The following SLC9C1 variants were observed in gnomAD, a reference collection of about 807,000 sequenced individuals.
The protein encoded by SLC9C1 is solute carrier family 9 member C1, also known as sodium/hydrogen exchanger 10.
Under a neutral mutation model 140.9 loss-of-function variants are expected in SLC9C1, and 97 were observed. The observed-to-expected ratio is 0.69, with a 90% CI of 0.58 to 0.82. The LOEUF (loss-of-function observed/expected upper bound fraction) is 0.82, where lower values mean the gene tolerates loss of function less well. SLC9C1 is among the 40% of genes least tolerant of loss of function. The pLI, the probability that SLC9C1 is intolerant of heterozygous loss-of-function variation, is 0.00. For missense variants in SLC9C1, 1,340 were observed against 1,389.3 expected (o/e 0.96, Z 0.56); for synonymous variants, 440 against 442.6 (o/e 0.99, Z 0.07).
intron 4 of SLC9C1, 46 bp from the exon 5 acceptor site, chr3:112,277,906 T>G: frequency 6.8e-7 from 1 of 1,465,430 alleles, no homozygotes; most frequent in Non-Finnish European, 9.3e-7. Flanking sequence ...GCTTTTGTAG[T>G]CCATTTTAAG....
At chr3:112,277,635 A>G in intron 5 of SLC9C1, 60 bp downstream of exon 5, 1 of 1,350,370 alleles carries the variant, frequency 7.4e-7, no homozygotes, top group South Asian at 1.9e-5. Flanking sequence ...AGATCTTAAA[A>G]TACAAGTTCA....
In SLC9C1 at chr3:112,253,260, C is replaced by T. The variant is rs138560940; in HGVS notation, c.1198-9184G>A. 6.6e-5 allele frequency among the ~76,000 whole-genome samples: 10 copies of T among 152,242 alleles called. No individual in the cohort carries two copies. The South Asian group carries it at 1.5e-3, about 22-fold the overall frequency. On this transcript the variant is annotated intron_variant, in intron 10 of 28. Transcript: ENST00000305815. Reference sequence around the variant, plus strand: ...CTGCTAAGGTCATTTCCACTGTTGCCGCCAAGTTGGGGAAGGCAACAGTGA... The same window carrying T: ...CTGCTAAGGTCATTTCCACTGTTGCTGCCAAGTTGGGGAAGGCAACAGTGA...
chr3:112,155,426 G>A (rs1047639104), intron 26 of SLC9C1, among the ~76,000 whole-genome samples: 1 of 152,144 alleles, frequency 6.6e-6, no homozygotes, highest in African/African-American at 2.4e-5. Context: ...TAGTAAAACA[G>A]ACAGACTAGC....
chr3:112,150,404 G>T lies in SLC9C1; in HGVS notation c.3524+1453C>A, dbSNP rs540536433. Among the ~76,000 whole-genome samples, 23 of 152,180 alleles carry T rather than the reference G, an allele frequency of 1.5e-4. No individual in the cohort carries two copies. The East Asian group carries it at 4.3e-3, about 28-fold the overall frequency. On this transcript the variant is annotated intron_variant, in intron 28 of 28. Transcript: ENST00000305815. ...CCAGTAGAAAGATGAGTCACAAAGG[G>T]AAGCTCTCTACTTCTCTCATATACT...
At chr3:112,151,647 A>G (rs922108802) in intron 28 of SLC9C1, among the ~76,000 whole-genome samples, 1 of 152,248 alleles carries the variant, frequency 6.6e-6, no homozygotes, top group African/African-American at 2.4e-5. Context: ...GAATATTATG[A>G]AGTTTTCAGA....
chr3:112,156,073 A>C (rs1277260853), intron 26 of SLC9C1, among the ~76,000 whole-genome samples: 2 of 152,042 alleles, frequency 1.3e-5, no homozygotes, highest in African/African-American at 4.8e-5. Context: ...AACTATGATT[A>C]CCGTACTATT....
intron 6 of SLC9C1, 24 bp from the exon 7 acceptor site, chr3:112,270,101 G>A: frequency 1.0e-5 from 15 of 1,468,766 alleles, no homozygotes; most frequent in African/African-American, 1.4e-5. Flanking sequence ...GCGTAAATAA[G>A]AAATAGTTAA....
intron 26 of SLC9C1, among the ~76,000 whole-genome samples, chr3:112,164,129 A>T (rs1288287754): frequency 6.6e-6 from 1 of 151,466 alleles, no homozygotes; most frequent in African/African-American, 2.4e-5. Flanking sequence ...TGCTTGGTAG[A>T]TTTTCCTCCA....
chr3:112,270,175 A>C, intron 6 of SLC9C1, 98 bp from the exon 7 acceptor site: 1 of 1,237,808 alleles, frequency 8.1e-7, no homozygotes. Flanking sequence ...ATTATCTTTA[A>C]AATTAGCTAA....
chr3:112,157,117 T>C (rs1013923535), intron 26 of SLC9C1, among the ~76,000 whole-genome samples: 1 of 152,024 alleles, frequency 6.6e-6, no homozygotes, highest in African/African-American at 2.4e-5. Flanking sequence ...TATAGCATTT[T>C]CCCAACTTTT....
intron 26 of SLC9C1, among the ~76,000 whole-genome samples, chr3:112,156,671 G>A (rs1208464680): frequency 4.6e-5 from 7 of 151,584 alleles, no homozygotes. Context: ...CCCTTTCTTG[G>A]TGTATTTGCC....
chr3:112,227,123 C>T (rs568737084), intron 13 of SLC9C1, among the ~76,000 whole-genome samples: 6 of 151,998 alleles, frequency 3.9e-5, no homozygotes, highest in African/African-American at 1.4e-4. Flanking sequence ...GAGATTGAGC[C>T]AGGAAGACAT....
chr3:112,228,461 C>T (rs1024145485), intron 13 of SLC9C1, among the ~76,000 whole-genome samples: 1 of 152,020 alleles, frequency 6.6e-6, no homozygotes, highest in African/African-American at 2.4e-5. Context: ...CACTTCAAGT[C>T]ATTGGACTGG....
chr3:112,163,582 T>G (rs1344914539), intron 26 of SLC9C1, among the ~76,000 whole-genome samples: 1 of 152,162 alleles, frequency 6.6e-6, no homozygotes, highest in Non-Finnish European at 1.5e-5. Context: ...TTGAGCGGTT[T>G]TGAGTGAGAT....
At chr3:112,231,300 G>C (rs1305044154) in intron 13 of SLC9C1, 61 bp downstream of exon 13, 8 of 1,589,906 alleles carry the variant, frequency 5.0e-6, no homozygotes, top group Non-Finnish European at 6.0e-6. Context: ...TCTTTATAAA[G>C]GAGGAATTTT....
intron 21 of SLC9C1, 77 bp from the exon 22 acceptor site, chr3:112,180,739 G>A (rs1269720435): frequency 7.9e-7 from 1 of 1,262,918 alleles, no homozygotes; most frequent in Non-Finnish European, 1.1e-6. Context: ...TTGCATTTTT[G>A]TTATTTATTT....
chr3:112,259,690 GGTGA>G (rs1461124465), intron 10 of SLC9C1, among the ~76,000 whole-genome samples: 14 of 152,140 alleles, frequency 9.2e-5, no homozygotes, highest in African/African-American at 3.4e-4. Flanking sequence ...TTATTTCCTG[GGTGA>G]AATGATCTGT....
chr3:112,228,905 C>T lies in SLC9C1; in HGVS notation c.1572+2456G>A, dbSNP rs373048493. On this transcript the variant is annotated intron_variant, in intron 13 of 28. Transcript: ENST00000305815. ...TTATTGCAGCACAATTCACAATAGC[C>T]AAGATAAACAATCAACTAAGTGTCC... 6.6e-5 allele frequency among the ~76,000 whole-genome samples: 10 copies of T among 151,866 alleles called. No individual in the cohort carries two copies. In the East Asian group the frequency reaches 1.7e-3, roughly 26 times the overall value.
chr3:112,257,597 C>A (rs1462608845), intron 10 of SLC9C1, among the ~76,000 whole-genome samples: 1 of 152,092 alleles, frequency 6.6e-6, no homozygotes, highest in Non-Finnish European at 1.5e-5. Context: ...TATAAAAACC[C>A]TGGAAGACGA....
Sources: allele counts gnomAD v4.1 joint callset (sites outside exome capture counted in the v4.1 genomes callset), GRCh38; gene constraint gnomAD v4.1.1; transcripts MANE v1.5; gene names NCBI Gene and HGNC (gene_info 2026-07-23, HGNC 2026-07-21).